Variants in SUGCT observed in about 807,000 individuals in gnomAD.
SUGCT encodes the protein succinyl-CoA:glutarate CoA-transferase.
A neutral mutation model predicts 55.0 loss-of-function variants in SUGCT; 41 were observed. The observed-to-expected ratio is 0.74, with a 90% CI of 0.58 to 0.97. The LOEUF (loss-of-function observed/expected upper bound fraction) is 0.97. Ranked by LOEUF, SUGCT falls within the 50% of genes least tolerant of loss-of-function variation. The pLI is 0.00. For missense variants in SUGCT, 568 were observed against 547.8 expected, an observed-to-expected ratio of 1.04 and a Z score of -0.37; for synonymous variants, 187 against 200.4, an observed-to-expected ratio of 0.93 and a Z score of 0.56.
intron 13 of SUGCT, among the ~76,000 whole-genome samples, chr7:40,828,275 G>C (rs1286873696): frequency 6.6e-6 from 1 of 152,114 alleles, no homozygotes; most frequent in African/African-American, 2.4e-5. Flanking sequence ...CCCATGGGAG[G>C]GCTCCTATCA....
intron 12 of SUGCT, among the ~76,000 whole-genome samples, chr7:40,681,614 G>T (rs1460299225): frequency 1.3e-5 from 2 of 152,100 alleles, no homozygotes; most frequent in Non-Finnish European, 2.9e-5. Flanking sequence ...TGCAGGTAAG[G>T]GTTTTTAAAG....
At chr7:40,190,517 G>A (rs1308407463) in intron 5 of SUGCT, among the ~76,000 whole-genome samples, 1 of 152,080 alleles carries the variant, frequency 6.6e-6, no homozygotes, top group East Asian at 1.9e-4. Flanking sequence ...CAAAGTGCTG[G>A]GATTTACAGG....
At position 40,824,233 on chromosome 7, in the gene SUGCT, T is replaced by A. The variant is rs569905704; in HGVS notation, c.1154-36083T>A. ...CAAAAAAAAAAACAAAAAACAAAACTCATTAAGGAAAGAAATTTGTCTATA... is the reference window on the plus strand; with the variant it reads ...CAAAAAAAAAAACAAAAAACAAAACACATTAAGGAAAGAAATTTGTCTATA... On this transcript the variant is annotated intron_variant, in intron 13 of 13. Transcript: ENST00000335693. Among the ~76,000 whole-genome samples the A allele has an allele frequency of 2.0e-5, 3 of 151,508 alleles. No individual in the cohort carries two copies. In the South Asian group the frequency reaches 6.3e-4, roughly 32 times the overall value.
At chr7:40,637,505 T>C (rs534829715) in intron 12 of SUGCT, among the ~76,000 whole-genome samples, 1 of 152,342 alleles carries the variant, frequency 6.6e-6, no homozygotes, top group African/African-American at 2.4e-5. Flanking sequence ...AGTTCCTTGA[T>C]TTAAAACATC....
intron 7 of SUGCT, among the ~76,000 whole-genome samples, chr7:40,248,012 TG>T (rs1324447166): frequency 4.6e-4 from 41 of 89,056 alleles, no homozygotes; most frequent in Admixed American, 2.2e-3. Context: ...TTTGTTTTTT[TG>T]TTTTTTTTTT....
intron 12 of SUGCT, among the ~76,000 whole-genome samples, chr7:40,507,753 A>G (rs1165204213): frequency 5.3e-5 from 8 of 152,046 alleles, no homozygotes; most frequent in Admixed American, 5.2e-4. Flanking sequence ...TCAGGATGCA[A>G]CCTGATGAAT....
intron 13 of SUGCT, among the ~76,000 whole-genome samples, chr7:40,854,106 T>C (rs1417195201): frequency 6.6e-6 from 1 of 152,280 alleles, no homozygotes; most frequent in African/African-American, 2.4e-5. Context: ...AATCTTGCCA[T>C]ATTTTGGATT....
At chr7:40,323,558 A>G (rs1196991972) in intron 9 of SUGCT, among the ~76,000 whole-genome samples, 3 of 152,180 alleles carry the variant, frequency 2.0e-5, no homozygotes, top group South Asian at 4.2e-4. Context: ...ATGCCCAGCT[A>G]TTTAAAAAGT....
the SUGCT span, among the ~76,000 whole-genome samples, chr7:40,881,869 A>G: frequency 6.6e-6 from 1 of 152,210 alleles, no homozygotes; most frequent in Non-Finnish European, 1.5e-5. Context: ...GCCCTGGAAA[A>G]AGGCATAATC....
chr7:40,791,442 C>G (rs1381390322), intron 13 of SUGCT, among the ~76,000 whole-genome samples: 1 of 147,972 alleles, frequency 6.8e-6, no homozygotes, highest in Non-Finnish European at 1.5e-5. Flanking sequence ...ACTGCTAACG[C>G]TAGATATTTT....
intron 8 of SUGCT, among the ~76,000 whole-genome samples, chr7:40,304,073 T>C (rs1312811798): frequency 6.8e-6 from 1 of 146,474 alleles, no homozygotes; most frequent in Admixed American, 6.8e-5. Context: ...AAAAGAATGA[T>C]GTTGAAGAAA....
At chr7:40,990,021 G>A in the SUGCT span, among the ~76,000 whole-genome samples, 1 of 152,164 alleles carries the variant, frequency 6.6e-6, no homozygotes, top group Non-Finnish European at 1.5e-5. Flanking sequence ...AATTACAAAT[G>A]TTCTTAATGG....
At chr7:40,483,478 C>T (rs773240649) in intron 11 of SUGCT, among the ~76,000 whole-genome samples, 1 of 152,056 alleles carries the variant, frequency 6.6e-6, no homozygotes, top group African/African-American at 2.4e-5. Context: ...TCATAATAAG[C>T]TTATGAGATA....
At chr7:40,281,715 A>G (rs1792960737) in intron 8 of SUGCT, among the ~76,000 whole-genome samples, 1 of 152,238 alleles carries the variant, frequency 6.6e-6, no homozygotes, top group Non-Finnish European at 1.5e-5. Context: ...TGTAATCAAA[A>G]CAGCATGGCA....
Position 40,447,207 on chromosome 7 carries a change from A to G in SUGCT, c.817-2080A>G, listed in dbSNP as rs1788886471. Among the ~76,000 whole-genome samples the G allele has an allele frequency of 3.9e-5, 6 of 152,180 alleles. No homozygotes were observed. In the South Asian group the frequency reaches 1.2e-3, roughly 32 times the overall value. On this transcript the variant is annotated intron_variant, in intron 9 of 13. Coordinates refer to ENST00000335693, the MANE Select transcript of SUGCT (RefSeq NM_001193313.2). ...CATTTCTTATAAATAGAATCACAAT[A>G]TTTGGCCTTTAGTGACTGGCTAATT...
the SUGCT span, among the ~76,000 whole-genome samples, chr7:40,879,090 C>G: frequency 6.6e-6 from 1 of 152,148 alleles, no homozygotes. Flanking sequence ...CCGCGCCCAG[C>G]CCCTCAATCT....
the SUGCT span, among the ~76,000 whole-genome samples, chr7:40,961,062 T>A: frequency 6.6e-6 from 1 of 152,324 alleles, no homozygotes; most frequent in Non-Finnish European, 1.5e-5. Flanking sequence ...ACACATGATA[T>A]TAGAAAACAA....
chr7:40,890,272 TAA>T, the SUGCT span, among the ~76,000 whole-genome samples: 2 of 143,614 alleles, frequency 1.4e-5, no homozygotes, highest in East Asian at 3.9e-4. Context: ...TTATATAATA[TAA>T]ATTAAATATT....
chr7:40,785,913 C>A lies in SUGCT; in HGVS notation c.1153+36416C>A, dbSNP rs1190801276. ...GACCGGCCTGGGCAACATAGTGAGACCTTGTCACCAAAAAACAAAAAATTA... is the reference window on the plus strand; with the variant it reads ...GACCGGCCTGGGCAACATAGTGAGAACTTGTCACCAAAAAACAAAAAATTA... On this transcript the variant is annotated intron_variant, in intron 13 of 13. Coordinates refer to ENST00000335693, the MANE Select transcript of SUGCT (RefSeq NM_001193313.2). Among the ~76,000 whole-genome samples, 3 of 151,952 alleles carry A rather than the reference C, an allele frequency of 2.0e-5. No individual in the cohort carries two copies. The East Asian group carries it at 5.8e-4, about 29-fold the overall frequency.
Sources: allele counts gnomAD v4.1 joint callset (sites outside exome capture counted in the v4.1 genomes callset), GRCh38; gene constraint gnomAD v4.1.1; transcripts MANE v1.5; gene names NCBI Gene and HGNC (gene_info 2026-07-23, HGNC 2026-07-21).